The following CIBAR1 variants were observed in gnomAD, a reference collection of about 807,000 sequenced individuals.
CIBAR1 encodes CBY1 interacting BAR domain containing 1, also known as CBY1-interacting BAR domain-containing protein 1.
In CIBAR1, 25 loss-of-function variants were observed where a neutral mutation model predicts 44.0. The observed-to-expected ratio is 0.57, with a 90% CI of 0.41 to 0.79. The LOEUF (loss-of-function observed/expected upper bound fraction) is 0.79, where lower values mean the gene tolerates loss of function less well. CIBAR1 is among the 30% of genes least tolerant of loss of function. The pLI is 0.00. For missense variants in CIBAR1, 278 were observed against 344.8 expected (o/e 0.81, Z 1.53); for synonymous variants, 115 against 119.0 (o/e 0.97, Z 0.22).
At chr8:93,727,122 C>A in intron 8 of CIBAR1, 1 of 1,044,616 alleles carries the variant, frequency 9.6e-7, no homozygotes, top group Non-Finnish European at 1.3e-6. Context: ...ATTCTATTTA[C>A]AAAAGCAGGA....
chr8:93,728,369 CTTTGCT>C lies in CIBAR1; in HGVS notation c.*73_*78del. ...ACTAAATTGTAGAACTTTATACTCA[CTTTGCT>C]ATGTTAAGCCTCAAAGTGAAGTCCA... On this transcript the variant is annotated 3_prime_UTR_variant, in exon 9 of 9. Coordinates refer to ENST00000518322, the MANE Select transcript of CIBAR1 (RefSeq NM_145269.5). The C allele has an allele frequency of 9.9e-7, 1 of 1,005,080 alleles. No homozygotes were observed. 62.3% of individuals were successfully genotyped at this position (1,005,080 alleles called of 1,614,324 possible).
At chr8:93,718,270 T>A (rs1811109264) in intron 6 of CIBAR1, among the ~76,000 whole-genome samples, 1 of 152,228 alleles carries the variant, frequency 6.6e-6, no homozygotes, top group Non-Finnish European at 1.5e-5. Context: ...TAAAAAACGT[T>A]CTCCTGTTTA....
intron 1 of CIBAR1, chr8:93,700,938 G>A (rs1810318207): frequency 7.3e-7 from 1 of 1,376,690 alleles, no homozygotes; most frequent in Admixed American, 3.5e-5. Flanking sequence ...CGGAAGCCTA[G>A]GAGGCAGCCG....
chr8:93,704,931 C>T lies in CIBAR1; in HGVS notation c.353C>T (p.Thr118Ile). 6.2e-7 allele frequency: 1 copy of T among 1,608,136 alleles called. No homozygotes were observed. Among genetic ancestry groups the T allele is most frequent in the Admixed American group, 1.7e-5 (1 of 58,994 alleles). ...MKRDDLKATLTARNREAKQLT... is the reference protein window; with the variant it reads ...MKRDDLKATLIARNREAKQLT... The stretch of plus-strand genomic sequence containing the variant: ...CAGGATGACCTCAAAGCAACACTCA[C>T]AGCAAGGAATCGAGAAGCTAAGCAA... Residue 118 changes from threonine (T) to isoleucine (I), a missense_variant, in exon 4 of 9, where the codon ACA becomes ATA. Transcript: ENST00000518322.
intron 3 of CIBAR1, among the ~76,000 whole-genome samples, chr8:93,704,494 T>C (rs947355561): frequency 1.3e-5 from 2 of 152,172 alleles, no homozygotes; most frequent in Non-Finnish European, 2.9e-5. Flanking sequence ...TAATGCTAGC[T>C]CGCCCACCAC....
intron 8 of CIBAR1, among the ~76,000 whole-genome samples, chr8:93,727,599 G>A (rs1029467459): frequency 3.3e-5 from 5 of 152,110 alleles, no homozygotes; most frequent in African/African-American, 4.8e-5. Flanking sequence ...AGCATCCCCC[G>A]CCTCTACCTA....
chr8:93,710,255 CCAG>C (rs1810769311), intron 6 of CIBAR1, among the ~76,000 whole-genome samples: 1 of 151,954 alleles, frequency 6.6e-6, no homozygotes, highest in Non-Finnish European at 1.5e-5. Context: ...TCCCTGCAGT[CCAG>C]CCTGGGCAAC....
Position 93,726,449 on chromosome 8 carries a change from G to T in CIBAR1, c.713G>T (p.Arg238Ile). 1 of 1,613,680 alleles carries T rather than the reference G, an allele frequency of 6.2e-7. No homozygotes were observed. Among genetic ancestry groups the T allele is most frequent in the South Asian group, 1.1e-5 (1 of 91,058 alleles). The change falls in exon 8 of 9, where the codon AGA becomes ATA. Residue 238 changes from arginine (R) to isoleucine (I), a missense_variant. Around this residue, in one of 3 missense-constraint regions of CIBAR1, gnomAD observed 93 missense variants for 108.9 expected, o/e 0.85. Transcript: ENST00000518322. ...PDYSSRLDIV[R>I]ANSKSPLQRS... is the part of the protein sequence containing the mutation. ...TATTCATCTCGTTTAGATATTGTAA[G>T]AGCAAATTCAAAGTCACCTCTTCAG... is the stretch of plus-strand genomic sequence containing the variant.
chr8:93,712,052 G>C (rs1219075979), intron 6 of CIBAR1, among the ~76,000 whole-genome samples: 1 of 152,124 alleles, frequency 6.6e-6, no homozygotes, highest in African/African-American at 2.4e-5. Context: ...AAGTCTCTTG[G>C]TCACAGAAGA....
At chr8:93,714,143 C>A (rs1198308222) in intron 6 of CIBAR1, among the ~76,000 whole-genome samples, 1 of 152,142 alleles carries the variant, frequency 6.6e-6, no homozygotes, top group African/African-American at 2.4e-5. Flanking sequence ...TTTCTTTAAA[C>A]ACTATTTGTA....
intron 7 of CIBAR1, among the ~76,000 whole-genome samples, chr8:93,722,691 C>T (rs1463863061): frequency 1.3e-5 from 2 of 151,638 alleles, no homozygotes; most frequent in Admixed American, 6.6e-5. Context: ...CAGGGTGAGA[C>T]TCTATCTCAC....
At chr8:93,701,060 C>T (rs982418016) in intron 1 of CIBAR1, 164 bp from the exon 2 acceptor site, 48 of 1,467,350 alleles carry the variant, frequency 3.3e-5, no homozygotes, top group Non-Finnish European at 3.8e-5. Flanking sequence ...ATAGTGAGGT[C>T]AGGACCCCAT....
chr8:93,720,795 CGG>C (rs1346793696), intron 7 of CIBAR1: 1 of 152,016 alleles, frequency 6.6e-6, no homozygotes, highest in Non-Finnish European at 1.5e-5. Flanking sequence ...CGCTTGAATC[CGG>C]GCGTCAGAGT....
rs1198803300 is a variant in CIBAR1, at chr8:93,709,591, T to C, written c.439-180T>C. ...CATGAATCATATCACTAAATAAAGT[T>C]CTTTATTCTGCATGTGCTTACATAG... On this transcript the variant is annotated intron_variant, in intron 5 of 8. Transcript: ENST00000518322. 15 of 567,590 alleles carry C rather than the reference T, an allele frequency of 2.6e-5. No individual in the cohort carries two copies. The Admixed American group carries it at 3.0e-4, about 11-fold the overall frequency. The allele number at this position is 567,590 out of a possible 1,614,324, so 35.2% of individuals were successfully genotyped here.
intron 4 of CIBAR1, among the ~76,000 whole-genome samples, chr8:93,706,654 G>C (rs751022998): frequency 1.3e-5 from 2 of 152,126 alleles, no homozygotes; most frequent in Non-Finnish European, 2.9e-5. Flanking sequence ...TGCTGTGGAA[G>C]GGAGATAATC....
chr8:93,714,650 C>CTT (rs879352220), intron 6 of CIBAR1, among the ~76,000 whole-genome samples: 3 of 145,078 alleles, frequency 2.1e-5, no homozygotes, highest in Non-Finnish European at 4.6e-5. Flanking sequence ...AGCCCCCTTA[C>CTT]TTTTTTTTTT....
chr8:93,700,957 G>T, intron 1 of CIBAR1: 1 of 1,375,766 alleles, frequency 7.3e-7, no homozygotes, highest in Middle Eastern at 2.7e-4. Context: ...CGGGCGCCCA[G>T]GCCGCGCTGC....
At chr8:93,726,305 T>C in intron 7 of CIBAR1, 89 bp from the exon 8 acceptor site, 1 of 1,229,258 alleles carries the variant, frequency 8.1e-7, no homozygotes, top group Non-Finnish European at 1.1e-6. Context: ...GTTGTTTTTT[T>C]AAAAAAAAAT....
intron 7 of CIBAR1, among the ~76,000 whole-genome samples, chr8:93,724,883 AG>A (rs1041111146): frequency 8.5e-5 from 13 of 152,206 alleles, no homozygotes; most frequent in African/African-American, 2.7e-4. Flanking sequence ...GGTCTAGAGC[AG>A]GAGATAGTTG....
Sources: allele counts gnomAD v4.1 joint callset (sites outside exome capture counted in the v4.1 genomes callset), GRCh38; gene constraint gnomAD v4.1.1; regional missense constraint gnomAD v4.1.1; transcripts MANE v1.5; gene names NCBI Gene and HGNC (gene_info 2026-07-23, HGNC 2026-07-21).